DYRK1B: variants seen among roughly 807,000 people sequenced by gnomAD.
The protein encoded by DYRK1B is dual specificity tyrosine phosphorylation regulated kinase 1B, also known as dual specificity tyrosine-phosphorylation-regulated kinase 1B.
A neutral mutation model predicts 57.1 loss-of-function variants in DYRK1B; 20 were observed. That is an observed-to-expected ratio of 0.35 (90% CI 0.25 to 0.51). The LOEUF (loss-of-function observed/expected upper bound fraction) is 0.51. DYRK1B is among the 20% of genes least tolerant of loss of function. DYRK1B has a pLI of 0.96. For synonymous variants in DYRK1B, 409 were observed against 384.7 expected (o/e 1.06, Z -0.74); for missense variants, 732 against 886.3 (o/e 0.83, Z 2.21).
At chr19:39,831,654 G>A in intron 2 of DYRK1B, 151 bp downstream of exon 2, 2 of 1,026,562 alleles carry the variant, frequency 1.9e-6, no homozygotes, top group East Asian at 2.8e-5. Context: ...GACTCTGCCT[G>A]AAAACTCCTC....
intron 5 of DYRK1B, among the ~76,000 whole-genome samples, chr19:39,829,374 G>A (rs962948701): frequency 2.0e-5 from 3 of 151,790 alleles, no homozygotes; most frequent in South Asian, 2.1e-4. Flanking sequence ...CTACAGGCGC[G>A]CACCACCACA....
At chr19:39,831,685 G>T (rs1021219987) in intron 2 of DYRK1B, 120 bp downstream of exon 2, 115 of 1,270,722 alleles carry the variant, frequency 9.0e-5, no homozygotes, top group South Asian at 1.0e-4. Context: ...CAATCCCATG[G>T]GACCCATTAT....
Position 39,826,323 on chromosome 19 carries a change from G to C in DYRK1B, c.1412-37C>G. 1 of 1,487,230 alleles carries C rather than the reference G, an allele frequency of 6.7e-7. No individual in the cohort carries two copies. Among genetic ancestry groups the C allele is most frequent in the East Asian group, 2.4e-5 (1 of 42,516 alleles). 92.1% of individuals were successfully genotyped at this position (1,487,230 alleles called of 1,614,324 possible). On this transcript the variant is annotated intron_variant, in intron 9 of 10. Transcript: ENST00000323039. The surrounding 1 kb of genome is among the most constrained non-coding windows in gnomAD (Gnocchi z 6.3). ...AGGGAGGAGAGGTGAAGGGGCATAA[G>C]GTGAGAGAAGGTGGCGAGTGGGTTT...
chr19:39,829,735 C>T (rs1292428781), intron 5 of DYRK1B, 145 bp downstream of exon 5: 5 of 866,892 alleles, frequency 5.8e-6, no homozygotes, highest in Non-Finnish European at 8.5e-6. Context: ...GCAGGAGAAT[C>T]ACTGATGTCA....
In DYRK1B at chr19:39,826,570, T is replaced by G; in HGVS notation, c.1411+102A>C. The G allele has an allele frequency of 7.8e-7, 1 of 1,289,582 alleles. No individual in the cohort carries two copies. Among genetic ancestry groups the G allele is most frequent in the Non-Finnish European group, 1.0e-6 (1 of 970,054 alleles). The allele number at this position is 1,289,582 out of a possible 1,614,324, so 79.9% of individuals were successfully genotyped here. ...CGTCATCTTACAGTTCAGGATCAGT[T>G]TCGGCGCTTTGTGTGAAGACCCAGT... On this transcript the variant is annotated intron_variant, in intron 9 of 10. Transcript: ENST00000323039. The surrounding 1 kb of genome is among the most constrained non-coding windows in gnomAD (Gnocchi z 6.3).
At position 39,828,389 on chromosome 19, in the gene DYRK1B, C is replaced by T. The variant is rs748256087; in HGVS notation, c.715G>A (p.Asp239Asn). ...ATPELSIIHCDLKPENILLCN... is the reference protein window; with the variant it reads ...ATPELSIIHCNLKPENILLCN... The stretch of plus-strand genomic sequence containing the variant: ...AGCAAGATGTTTTCGGGCTTGAGGT[C>T]GCAGTGAATGATGCTGAGCTCAGGC... Residue 239 changes from aspartate to asparagine, a missense_variant, in exon 6 of 11, where the codon GAC becomes AAC. Asp to Asn is a conservative substitution (Grantham distance 23). Transcript: ENST00000323039. This position sits in a 1 kb window ranked among gnomAD's most constrained non-coding sequence, Gnocchi z 4.3. The T allele has an allele frequency of 1.9e-6, 3 of 1,614,074 alleles. No homozygotes were observed. Among genetic ancestry groups the T allele is most frequent in the South Asian group, 1.1e-5 (1 of 91,036 alleles).
intron 2 of DYRK1B, 98 bp from the exon 3 acceptor site, chr19:39,830,881 T>C: frequency 7.1e-7 from 1 of 1,409,962 alleles, no homozygotes; most frequent in South Asian, 1.4e-5. Context: ...ATGTATTTGG[T>C]TGCTGTCTGT....
chr19:39,827,569 G>A lies in DYRK1B; in HGVS notation c.895C>T (p.Leu299=), dbSNP rs1968600980. ...TGCATCTCCACAAGGATGCAGCCCAGGGACCACATGTCAATGGCCAGGTCG... is the reference window on the plus strand; with the variant it reads ...TGCATCTCCACAAGGATGCAGCCCAAGGACCACATGTCAATGGCCAGGTCG... ...PYDLAIDMWS[L]GCILVEMHTG... is the part of the protein sequence containing the mutation. Residue 299 remains leucine (L), a synonymous_variant, in exon 7 of 11, where the codon CTG becomes TTG. Transcript: ENST00000323039. 2.5e-6 allele frequency: 4 copies of A among 1,614,110 alleles called. No homozygotes were observed. Among genetic ancestry groups the A allele is most frequent in the Non-Finnish European group, 3.4e-6 (4 of 1,179,990 alleles).
chr19:39,832,847 T>G (rs540729631), intron 1 of DYRK1B: 418 of 933,586 alleles, frequency 4.5e-4, no homozygotes, highest in Non-Finnish European at 5.0e-4. Flanking sequence ...CAAGGCCCAC[T>G]CCTCCTGATG....
In DYRK1B at chr19:39,828,918, T is replaced by A. The variant is rs1968674102; in HGVS notation, c.521-335A>T. On this transcript the variant is annotated intron_variant, in intron 5 of 10. Coordinates refer to ENST00000323039, the MANE Select transcript of DYRK1B (RefSeq NM_004714.3). The surrounding 1 kb of genome is among the most constrained non-coding windows in gnomAD (Gnocchi z 4.3). ...GTGGCAAAGGACACTGGTTTTCCGT[T>A]TACTTTAAGGATATACGTTTTCCTT... 6.6e-6 allele frequency among the ~76,000 whole-genome samples: 1 copy of A among 152,230 alleles called. No individual in the cohort carries two copies. Among genetic ancestry groups the A allele is most frequent in the Admixed American group, 6.5e-5 (1 of 15,288 alleles).
rs927906696 is a variant in DYRK1B, at chr19:39,826,561, A to G, written c.1411+111T>C. 4.7e-5 allele frequency: 57 copies of G among 1,218,996 alleles called. No individual in the cohort carries two copies. The highest frequency in any genetic ancestry group is 6.2e-5 in the Non-Finnish European group (56 of 908,448). 75.5% of individuals were successfully genotyped at this position (1,218,996 alleles called of 1,614,324 possible). On this transcript the variant is annotated intron_variant, in intron 9 of 10. Coordinates refer to ENST00000323039, the MANE Select transcript of DYRK1B (RefSeq NM_004714.3). The surrounding 1 kb of genome is among the most constrained non-coding windows in gnomAD (Gnocchi z 6.3). ...CATCCCACACGTCATCTTACAGTTCAGGATCAGTTTCGGCGCTTTGTGTGA... is the reference window on the plus strand; with the variant it reads ...CATCCCACACGTCATCTTACAGTTCGGGATCAGTTTCGGCGCTTTGTGTGA...
chr19:39,827,461 C>A (rs1173143104), intron 7 of DYRK1B, 36 bp from the exon 8 acceptor site: 1 of 1,609,404 alleles, frequency 6.2e-7, no homozygotes, highest in Middle Eastern at 1.7e-4. Flanking sequence ...ATCAGGCCAG[C>A]CAGGCTCCAC....
chr19:39,833,843 G>A (rs1325592865), intron 1 of DYRK1B, among the ~76,000 whole-genome samples, 180 bp downstream of exon 1: 1 of 152,134 alleles, frequency 6.6e-6, no homozygotes, highest in African/African-American at 2.4e-5. Flanking sequence ...GCTTCCTCGG[G>A]CTTGGCCGGT....
At position 39,825,448 on chromosome 19, in the gene DYRK1B, T is replaced by C; in HGVS notation, c.*267A>G. 2 of 438,436 alleles carry C rather than the reference T, an allele frequency of 4.6e-6. No individual in the cohort carries two copies. The highest frequency in any genetic ancestry group is 4.1e-5 in the East Asian group (1 of 24,484). The allele number at this position is 438,436 out of a possible 1,614,324, so 27.2% of individuals were successfully genotyped here. A position where few individuals can be genotyped will look rare whatever the true frequency, so the allele number is the denominator to read the frequency against. ...CCTAGGGTCCTGGGGTGAGGGGGGGTCTTCCCTCCACCGGACCACCACTGT... is the reference window on the plus strand; with the variant it reads ...CCTAGGGTCCTGGGGTGAGGGGGGGCCTTCCCTCCACCGGACCACCACTGT... On this transcript the variant is annotated 3_prime_UTR_variant, in exon 11 of 11. Coordinates refer to ENST00000323039, the MANE Select transcript of DYRK1B (RefSeq NM_004714.3).
rs1365786876 is a variant in DYRK1B, at chr19:39,830,673, G to A, written c.174C>T (p.His58=). The change falls in exon 3 of 11, where the codon CAC becomes CAT. Residue 58 remains histidine (H), a synonymous_variant. Coordinates refer to ENST00000323039, the MANE Select transcript of DYRK1B (RefSeq NM_004714.3). ...CCCAGCCCCTGCCCACCTCATTGATGTGCTTGTAGGTCTTGATGAGGTCCA... is the reference window on the plus strand; with the variant it reads ...CCCAGCCCCTGCCCACCTCATTGATATGCTTGTAGGTCTTGATGAGGTCCA... ...LSVDLIKTYK[H]INEVYYAKKK... is the part of the protein sequence containing the mutation. 2 of 1,613,920 alleles carry A rather than the reference G, an allele frequency of 1.2e-6. No homozygotes were observed. The highest frequency in any genetic ancestry group is 2.2e-5 in the East Asian group (1 of 44,880).
In DYRK1B at chr19:39,828,538, A is replaced by G; in HGVS notation, c.566T>C (p.Val189Ala). 1 of 1,612,792 alleles carries G rather than the reference A, an allele frequency of 6.2e-7. No individual in the cohort carries two copies. The highest frequency in any genetic ancestry group is 8.5e-7 in the Non-Finnish European group (1 of 1,179,140). Residue 189 changes from valine (V) to alanine (A), a missense_variant, in exon 6 of 11, where the codon GTA becomes GCA. This residue lies in a region of DYRK1B where 510 missense variants were observed against 681.3 expected (regional missense o/e 0.75). Transcript: ENST00000323039. The surrounding 1 kb of genome is among the most constrained non-coding windows in gnomAD (Gnocchi z 4.3). Reference sequence around the variant, plus strand: ...CAGGTTGTAGGACAGCAGCTCAAATACCAGGCACAGGTGGTTCCGGAACAT... The same window carrying G: ...CAGGTTGTAGGACAGCAGCTCAAATGCCAGGCACAGGTGGTTCCGGAACAT... ...HFMFRNHLCL[V>A]FELLSYNLYD...
At chr19:39,827,774 C>T in intron 6 of DYRK1B, 118 bp from the exon 7 acceptor site, 3 of 1,279,464 alleles carry the variant, frequency 2.3e-6, no homozygotes, top group Non-Finnish European at 2.1e-6. Flanking sequence ...GGGACTGAGG[C>T]TCCAAATCCT....
At position 39,827,323 on chromosome 19, in the gene DYRK1B, C is replaced by A. The variant is rs1179685940; in HGVS notation, c.1057G>T (p.Gly353Cys). Residue 353 changes from glycine (G) to cysteine (C), a missense_variant, in exon 8 of 11, where the codon GGT (glycine) becomes TGT (cysteine). Transcript: ENST00000323039. The part of the protein sequence containing the change: ...ARKYFERLPG[G>C]GWTLRRTKEL... ...TTCGTCCTTCGTAGGGTCCAGCCACCCCCAGGCAGCCGTTCAAAGTACTTG... is the reference window on the plus strand; with the variant it reads ...TTCGTCCTTCGTAGGGTCCAGCCACACCCAGGCAGCCGTTCAAAGTACTTG... 2 of 1,613,680 alleles carry A rather than the reference C, an allele frequency of 1.2e-6. No individual in the cohort carries two copies. Among genetic ancestry groups the A allele is most frequent in the Non-Finnish European group, 8.5e-7 (1 of 1,179,694 alleles).
chr19:39,825,975 G>A lies in DYRK1B; in HGVS notation c.1630C>T (p.Pro544Ser), dbSNP rs751444062. The A allele has an allele frequency of 6.6e-7, 1 of 1,525,576 alleles. No individual in the cohort carries two copies. Among genetic ancestry groups the A allele is most frequent in the Non-Finnish European group, 8.8e-7 (1 of 1,139,090 alleles). 94.5% of individuals were successfully genotyped at this position (1,525,576 alleles called of 1,614,324 possible). A position where few individuals can be genotyped will look rare whatever the true frequency, so the allele number is the denominator to read the frequency against. ...GGACGACCAAGGTATCGGGGCTGGG[G>A]GGGTAACTGGGCCCCGGTCCCAGGC... ...SLPGTGAQLP[P>S]QPRYLGRPPS... The change falls in exon 11 of 11, where the codon CCC becomes TCC. Residue 544 changes from proline to serine, a missense_variant. Pro to Ser is a moderately conservative substitution (Grantham distance 74). Around this residue, in one of 2 missense-constraint regions of DYRK1B, gnomAD observed 222 missense variants for 205.0 expected, o/e 1.08. Transcript: ENST00000323039.
Sources: allele counts gnomAD v4.1 joint callset (sites outside exome capture counted in the v4.1 genomes callset), GRCh38; gene constraint gnomAD v4.1.1; regional missense constraint gnomAD v4.1.1; non-coding constraint Gnocchi (gnomAD v3.1); transcripts MANE v1.5; gene names NCBI Gene and HGNC (gene_info 2026-07-23, HGNC 2026-07-21).